Variants in USP10 observed in about 807,000 individuals in gnomAD.
USP10 encodes the protein ubiquitin carboxyl-terminal hydrolase 10.
Under a neutral mutation model 84.5 loss-of-function variants are expected in USP10, and 22 were observed. The ratio of observed to expected loss-of-function variants is 0.26; its 90% CI spans 0.19 to 0.37. USP10 has a LOEUF of 0.37. Among genes scored for constraint, USP10 ranks in the 10% least tolerant of loss-of-function variants. USP10 has a pLI of 1.00. For synonymous variants in USP10, 454 were observed against 387.6 expected, an observed-to-expected ratio of 1.17 and a Z score of -2.01; for missense variants, 1,019 against 998.9, an observed-to-expected ratio of 1.02 and a Z score of -0.27.
At chr16:84,771,700 C>G (rs958563431) in intron 11 of USP10, among the ~76,000 whole-genome samples, 3 of 152,102 alleles carry the variant, frequency 2.0e-5, no homozygotes, top group African/African-American at 7.2e-5. Flanking sequence ...GAAACCCCTT[C>G]TTTACTAAAA....
At chr16:84,744,527 T>C (rs1910983420) in intron 3 of USP10, 106 bp from the exon 4 acceptor site, 2 of 1,041,420 alleles carry the variant, frequency 1.9e-6, no homozygotes, top group Non-Finnish European at 2.7e-6. Context: ...ATTTGTTGAT[T>C]AGGAAGAGAA....
chr16:84,733,757 C>T (rs781605024), intron 2 of USP10, among the ~76,000 whole-genome samples: 1 of 152,144 alleles, frequency 6.6e-6, no homozygotes, highest in African/African-American at 2.4e-5. Context: ...GACCTCTCTC[C>T]CATCTCTCCC....
At chr16:84,724,891 C>G (rs1315324927) in intron 1 of USP10, among the ~76,000 whole-genome samples, 1 of 152,194 alleles carries the variant, frequency 6.6e-6, no homozygotes, top group Non-Finnish European at 1.5e-5. Flanking sequence ...ACACCACCTT[C>G]TGAAGTTGAA....
At chr16:84,705,166 T>C (rs983481048) in intron 1 of USP10, among the ~76,000 whole-genome samples, 10 of 152,278 alleles carry the variant, frequency 6.6e-5, no homozygotes, top group Admixed American at 6.5e-4. Context: ...TCAAAACCAG[T>C]CCATTTTGAA....
intron 3 of USP10, among the ~76,000 whole-genome samples, chr16:84,742,890 A>C (rs1390703992): frequency 3.9e-5 from 6 of 152,228 alleles, no homozygotes; most frequent in Admixed American, 3.9e-4. Context: ...TTATGTTCTG[A>C]TAAGATTGAG....
intron 3 of USP10, among the ~76,000 whole-genome samples, chr16:84,741,004 A>T (rs866151595): frequency 6.6e-6 from 1 of 152,242 alleles, no homozygotes; most frequent in Non-Finnish European, 1.5e-5. Context: ...CCCTTGCACA[A>T]TTCAAACTTG....
intron 1 of USP10, among the ~76,000 whole-genome samples, chr16:84,702,795 T>C (rs1905055145): frequency 6.6e-6 from 1 of 151,624 alleles, no homozygotes; most frequent in Non-Finnish European, 1.5e-5. Context: ...GGGTTCGAGA[T>C]CAGCCTGACC....
At chr16:84,716,564 T>C (rs1907039968) in intron 1 of USP10, 1 of 152,274 alleles carries the variant, frequency 6.6e-6, no homozygotes, top group South Asian at 2.1e-4. Context: ...TTGGCAGAAA[T>C]AGGGTTTAGA....
At chr16:84,714,859 A>G (rs981478591) in intron 1 of USP10, among the ~76,000 whole-genome samples, 4 of 151,574 alleles carry the variant, frequency 2.6e-5, no homozygotes, top group Non-Finnish European at 4.4e-5. Flanking sequence ...TTTAAAAGTA[A>G]TATCAAAAAC....
intron 10 of USP10, among the ~76,000 whole-genome samples, chr16:84,767,788 TTA>T (rs1491553466): frequency 1.5e-5 from 2 of 137,816 alleles, no homozygotes; most frequent in Non-Finnish European, 3.4e-5. Flanking sequence ...TTTTTTTAAT[TTA>T]TTTTTTTATT....
At chr16:84,773,170 T>G (rs887747966) in intron 12 of USP10, among the ~76,000 whole-genome samples, 2 of 152,132 alleles carry the variant, frequency 1.3e-5, no homozygotes, top group African/African-American at 2.4e-5. Flanking sequence ...TCGGCACTTT[T>G]TGAAAGCAAT....
chr16:84,775,129 T>C (rs541136879), intron 12 of USP10, 31 bp from the exon 13 acceptor site: 58 of 1,605,146 alleles, frequency 3.6e-5, no homozygotes, highest in East Asian at 8.9e-5. Context: ...TTTCTAAAAG[T>C]GCTTCAAGCC....
At chr16:84,736,634 T>C (rs567692355) in intron 2 of USP10, among the ~76,000 whole-genome samples, 2 of 152,354 alleles carry the variant, frequency 1.3e-5, no homozygotes, top group East Asian at 3.9e-4. Context: ...CACCATTCTT[T>C]AGTTTCCAGA....
At chr16:84,722,608 C>T (rs757749121) in intron 1 of USP10, among the ~76,000 whole-genome samples, 2 of 152,154 alleles carry the variant, frequency 1.3e-5, no homozygotes, top group Non-Finnish European at 2.9e-5. Context: ...GTCTCCCAGG[C>T]TGGAGTGCAG....
rs1175084216 is a variant in USP10, at chr16:84,700,204, G to T, written c.21+93G>T. The T allele has an allele frequency of 3.9e-6, 4 of 1,014,096 alleles. No homozygotes were observed. In the East Asian group the frequency reaches 1.6e-4, roughly 40 times the overall value. 62.8% of individuals were successfully genotyped at this position (1,014,096 alleles called of 1,614,324 possible). A position where few individuals can be genotyped will look rare whatever the true frequency, so the allele number is the denominator to read the frequency against. On this transcript the variant is annotated intron_variant, in intron 1 of 13. Coordinates refer to ENST00000219473, the MANE Select transcript of USP10 (RefSeq NM_005153.3). ...CGGGCGTCCGCGCCCTGCCCGGAGCGAGCGTGTGGGAGTGGGGGAGGGCGC... is the reference window on the plus strand; with the variant it reads ...CGGGCGTCCGCGCCCTGCCCGGAGCTAGCGTGTGGGAGTGGGGGAGGGCGC...
intron 1 of USP10, among the ~76,000 whole-genome samples, chr16:84,701,011 C>T (rs1467245133): frequency 2.6e-5 from 4 of 151,978 alleles, no homozygotes; most frequent in Non-Finnish European, 5.9e-5. Flanking sequence ...ACATCTGGTC[C>T]CTATAAATTG....
intron 10 of USP10, among the ~76,000 whole-genome samples, chr16:84,764,515 C>T (rs796160235): frequency 3.2e-4 from 48 of 152,286 alleles, no homozygotes; most frequent in African/African-American, 1.1e-3. Flanking sequence ...TTCAGCTGCT[C>T]ACTGCTAGGG....
In USP10 at chr16:84,772,640, C is replaced by G. The variant is rs1349702122; in HGVS notation, c.2098C>G (p.Leu700Val). The G allele has an allele frequency of 6.2e-7, 1 of 1,613,954 alleles. No homozygotes were observed. The highest frequency in any genetic ancestry group is 8.5e-7 in the Non-Finnish European group (1 of 1,179,886). ...TGAGAAGACTGGTGGGTGCCAGAAG[C>G]TTATCAAAAATATTGAATATCCTGT... ...VYEKTGGCQK[L>V]IKNIEYPVDL... is the part of the protein sequence containing the mutation. Residue 700 changes from leucine to valine, a missense_variant, in exon 12 of 14, where the codon CTT becomes GTT. Physicochemically the swap from Leu to Val is conservative, Grantham distance 32. Around this residue, in one of 2 missense-constraint regions of USP10, gnomAD observed 232 missense variants for 290.1 expected, o/e 0.80. Coordinates refer to ENST00000219473, the MANE Select transcript of USP10 (RefSeq NM_005153.3).
In USP10 at chr16:84,775,140, A is replaced by C. The variant is rs372006668; in HGVS notation, c.2144-20A>C. On this transcript the variant is annotated intron_variant, in intron 12 of 13. Coordinates refer to ENST00000219473, the MANE Select transcript of USP10 (RefSeq NM_005153.3). ...AACCTTTCTAAAAGTGCTTCAAGCC[A>C]TTGATATTTTGTTTTCCAGAACTGC... is the stretch of plus-strand genomic sequence containing the variant. The C allele has an allele frequency of 6.2e-7, 1 of 1,612,342 alleles. No homozygotes were observed. The highest frequency in any genetic ancestry group is 1.7e-5 in the Admixed American group (1 of 59,984).
Sources: gnomAD v4.1 joint callset for allele counts (sites outside exome capture counted in the v4.1 genomes callset) on GRCh38, gnomAD v4.1.1 for gene constraint, gnomAD v4.1.1 regional missense constraint, MANE v1.5 for transcripts, NCBI Gene and HGNC (gene_info 2026-07-23, HGNC 2026-07-21) for gene names.